MARCHF3: variants seen among roughly 807,000 people sequenced by gnomAD.
MARCHF3 encodes E3 ubiquitin-protein ligase MARCHF3.
A neutral mutation model predicts 24.2 loss-of-function variants in MARCHF3; 13 were observed. That is an observed-to-expected ratio of 0.54 (90% CI 0.35 to 0.85). The LOEUF (loss-of-function observed/expected upper bound fraction) is 0.85. Ranked by LOEUF, MARCHF3 falls within the 40% of genes least tolerant of loss-of-function variation. The pLI is 0.01. For missense variants in MARCHF3, 276 were observed against 325.0 expected (o/e 0.85, Z 1.16); for synonymous variants, 144 against 137.3 (o/e 1.05, Z -0.34).
intron 1 of MARCHF3, among the ~76,000 whole-genome samples, chr5:126,928,503 A>T (rs961226929): frequency 6.6e-6 from 1 of 152,180 alleles, no homozygotes; most frequent in African/African-American, 2.4e-5. Flanking sequence ...AAAATGTTCA[A>T]TTCTCAGATA....
At chr5:126,980,473 T>C (rs1181197485) in intron 1 of MARCHF3, among the ~76,000 whole-genome samples, 2 of 151,568 alleles carry the variant, frequency 1.3e-5, no homozygotes, top group African/African-American at 4.9e-5. Flanking sequence ...CGGGTTCAAG[T>C]GATTCCCCTG....
intron 1 of MARCHF3, among the ~76,000 whole-genome samples, chr5:126,955,874 C>T (rs1290053504): frequency 6.6e-6 from 1 of 152,148 alleles, no homozygotes; most frequent in African/African-American, 2.4e-5. Flanking sequence ...AATCTCTTCC[C>T]CACAGTCATA....
intron 3 of MARCHF3, among the ~76,000 whole-genome samples, chr5:126,902,528 A>C (rs1243838157): frequency 6.6e-6 from 1 of 152,066 alleles, no homozygotes; most frequent in African/African-American, 2.4e-5. Flanking sequence ...AATTCTTTTT[A>C]TACACAGAAC....
intron 3 of MARCHF3, among the ~76,000 whole-genome samples, chr5:126,908,726 A>C (rs529443251): frequency 1.3e-5 from 2 of 149,504 alleles, no homozygotes; most frequent in Non-Finnish European, 2.9e-5. Flanking sequence ...ATTCTTCTAA[A>C]GTTTTTTCAA....
chr5:126,992,376 C>T (rs983195927), intron 1 of MARCHF3, among the ~76,000 whole-genome samples: 1 of 152,170 alleles, frequency 6.6e-6, no homozygotes, highest in African/African-American at 2.4e-5. Flanking sequence ...AGGCTCAGGG[C>T]AAGATAATTT....
intron 1 of MARCHF3, among the ~76,000 whole-genome samples, chr5:126,947,026 A>G (rs1750047825): frequency 1.3e-5 from 2 of 152,130 alleles, no homozygotes; most frequent in Admixed American, 6.5e-5. Context: ...AACATATCCA[A>G]TTTGCCCTTT....
At chr5:126,918,854 ACTTC>A (rs1217636723) in intron 1 of MARCHF3, among the ~76,000 whole-genome samples, 2 of 152,238 alleles carry the variant, frequency 1.3e-5, no homozygotes, top group Non-Finnish European at 2.9e-5. Context: ...CTTGAAATTA[ACTTC>A]CTTTAAAAAT....
chr5:126,999,608 T>C (rs917241973), intron 1 of MARCHF3, among the ~76,000 whole-genome samples: 6 of 152,302 alleles, frequency 3.9e-5, no homozygotes, highest in Non-Finnish European at 7.4e-5. Flanking sequence ...GCTGACTTGG[T>C]CGCTGGTATT....
intron 1 of MARCHF3, among the ~76,000 whole-genome samples, chr5:127,005,426 A>T (rs1752278758): frequency 6.6e-6 from 1 of 152,084 alleles, no homozygotes; most frequent in Non-Finnish European, 1.5e-5. Flanking sequence ...GTGAGCCAAC[A>T]CACCCAGCCA....
intron 3 of MARCHF3, among the ~76,000 whole-genome samples, chr5:126,894,345 G>C (rs1425542995): frequency 6.6e-6 from 1 of 150,648 alleles, no homozygotes; most frequent in Non-Finnish European, 1.5e-5. Context: ...GATGTTAGCT[G>C]GTTATTTTGC....
chr5:126,905,716 C>T (rs1331376854), intron 3 of MARCHF3, among the ~76,000 whole-genome samples: 1 of 151,926 alleles, frequency 6.6e-6, no homozygotes, highest in East Asian at 1.9e-4. Flanking sequence ...AGATTTTGGG[C>T]TGAGGCAATG....
intron 1 of MARCHF3, among the ~76,000 whole-genome samples, chr5:127,021,621 G>T (rs1752807812): frequency 6.6e-6 from 1 of 152,180 alleles, no homozygotes; most frequent in Non-Finnish European, 1.5e-5. Flanking sequence ...CTAATTTGCA[G>T]TGCAAGTGGA....
chr5:126,987,382 C>A (rs1199671487), intron 1 of MARCHF3, among the ~76,000 whole-genome samples: 2 of 152,194 alleles, frequency 1.3e-5, no homozygotes, highest in Non-Finnish European at 2.9e-5. Context: ...AAGACTGTAA[C>A]ATAGAATTCC....
intron 1 of MARCHF3, among the ~76,000 whole-genome samples, chr5:127,022,577 T>C (rs1294466614): frequency 6.6e-6 from 1 of 152,090 alleles, no homozygotes; most frequent in African/African-American, 2.4e-5. Flanking sequence ...AGGGAGAACA[T>C]CTACTAGTTG....
rs1046686751 is a variant in MARCHF3 at position 126,869,840 on chromosome 5, G to A, written c.*793C>T. 2 of 152,298 alleles carry A rather than the reference G, an allele frequency of 1.3e-5. No homozygotes were observed. Among genetic ancestry groups the A allele is most frequent in the Non-Finnish European group, 2.9e-5 (2 of 67,984 alleles). The allele number at this position is 152,298 out of a possible 1,614,324, so 9.4% of individuals were successfully genotyped here. A position where few individuals can be genotyped will look rare whatever the true frequency, so the allele number is the denominator to read the frequency against. On this transcript the variant is annotated 3_prime_UTR_variant, in exon 5 of 5. Coordinates refer to ENST00000308660, the MANE Select transcript of MARCHF3 (RefSeq NM_178450.5). ...CACAGGTTTTATCATTAAAAAAAGA[G>A]TATTGCAATCAGTGGGTTTTGTCTT...
intron 1 of MARCHF3, among the ~76,000 whole-genome samples, chr5:126,987,668 G>A (rs1751611819): frequency 6.6e-6 from 1 of 152,194 alleles, no homozygotes; most frequent in African/African-American, 2.4e-5. Flanking sequence ...AAAACTTCAG[G>A]AAAGTCAGAG....
rs1754672517 is a variant in MARCHF3 at position 126,914,986 on chromosome 5, A to G, written c.337T>C (p.Cys113Arg). The change falls in exon 3 of 5, where the codon TGT becomes CGT. Residue 113 changes from cysteine to arginine, a missense_variant. Coordinates refer to ENST00000308660, the MANE Select transcript of MARCHF3 (RefSeq NM_178450.5). ...HWLSSSNTSY[C>R]ELCHFRFAVE... The stretch of plus-strand genomic sequence containing the variant: ...GCAAACCTGAAGTGGCAGAGTTCAC[A>G]GTAGCTGGTGTTTGAGGATGACAGC... The G allele has an allele frequency of 6.2e-7, 1 of 1,614,212 alleles. No individual in the cohort carries two copies. The highest frequency in any genetic ancestry group is 8.5e-7 in the Non-Finnish European group (1 of 1,180,024).
intron 3 of MARCHF3, among the ~76,000 whole-genome samples, chr5:126,882,027 C>A (rs1753358622): frequency 6.6e-6 from 1 of 152,036 alleles, no homozygotes; most frequent in South Asian, 2.1e-4. Context: ...CTCACTAAGT[C>A]CTCACAACAG....
chr5:126,925,729 G>A (rs1749272471), intron 1 of MARCHF3, among the ~76,000 whole-genome samples: 1 of 152,152 alleles, frequency 6.6e-6, no homozygotes, highest in South Asian at 2.1e-4. Context: ...CTGGGCACTC[G>A]GGAACAATGA....
Sources: allele counts gnomAD v4.1 joint callset (sites outside exome capture counted in the v4.1 genomes callset), GRCh38; gene constraint gnomAD v4.1.1; transcripts MANE v1.5; gene names NCBI Gene and HGNC (gene_info 2026-07-23, HGNC 2026-07-21).